Variants in ACAN observed in about 807,000 individuals in gnomAD.
ACAN encodes aggrecan core protein.
Under a neutral mutation model 169.1 loss-of-function variants are expected in ACAN, and 47 were observed. The ratio of observed to expected loss-of-function variants is 0.28; its 90% CI spans 0.22 to 0.35. The LOEUF (loss-of-function observed/expected upper bound fraction) is 0.35. Ranked by LOEUF, ACAN falls within the 10% of genes least tolerant of loss-of-function variation. The pLI is 1.00. For synonymous variants in ACAN, 1,115 were observed against 1,112.2 expected (o/e 1.00, Z -0.05); for missense variants, 2,716 against 2,759.9 (o/e 0.98, Z 0.36).
intron 1 of ACAN, among the ~76,000 whole-genome samples, chr15:88,821,699 A>T (rs1482909216): frequency 6.6e-6 from 1 of 152,146 alleles, no homozygotes; most frequent in African/African-American, 2.4e-5. Context: ...TCACTGAAGG[A>T]TGCCCATGGG....
chr15:88,836,132 C>A, intron 1 of ACAN, 68 bp from the exon 2 acceptor site: 1 of 1,128,796 alleles, frequency 8.9e-7, no homozygotes, highest in Non-Finnish European at 1.3e-6. Flanking sequence ...CATCATATGT[C>A]ACATGACTCT....
rs780471356 is a variant in ACAN at position 88,873,896 on chromosome 15, A to C, written c.7502A>C (p.Lys2501Thr). 3.3e-5 allele frequency: 54 copies of C among 1,613,736 alleles called. No individual in the cohort carries two copies. Among genetic ancestry groups the C allele is most frequent in the Non-Finnish European group, 2.8e-5 (33 of 1,179,904 alleles). The change falls in exon 18 of 19, where the codon AAG becomes ACG. Residue 2501 changes from lysine to threonine, a missense_variant. Around this residue, in one of 3 missense-constraint regions of ACAN, gnomAD observed 1,389 missense variants for 1,363.7 expected, o/e 1.02. Transcript: ENST00000560601. This position sits in a 1 kb window ranked among gnomAD's most constrained non-coding sequence, Gnocchi z 7.5. ...CATGCCAGGACCTTCGGGCAGAAGA[A>C]GGACCGGTATGAGATCAATTCCCTG... The part of the protein sequence containing the change: ...VEHARTFGQK[K>T]DRYEINSLVR...
chr15:88,809,993 C>G (rs1403660824), intron 1 of ACAN, among the ~76,000 whole-genome samples: 1 of 152,200 alleles, frequency 6.6e-6, no homozygotes, highest in Non-Finnish European at 1.5e-5. Context: ...GGTAAACTGT[C>G]AAGCTTTCCT....
intron 1 of ACAN, among the ~76,000 whole-genome samples, chr15:88,810,501 C>A (rs1181608434): frequency 6.6e-6 from 1 of 152,076 alleles, no homozygotes; most frequent in African/African-American, 2.4e-5. Flanking sequence ...GGACCCTTGG[C>A]CTGACCCTCC....
chr15:88,859,405 T>G lies in ACAN; in HGVS notation c.6820T>G (p.Ser2274Ala). Residue 2274 changes from serine (S) to alanine (A), a missense_variant, in exon 12 of 19, where the codon TCA becomes GCA. This residue lies in a region of ACAN where 1,389 missense variants were observed against 1,363.7 expected (regional missense o/e 1.02). Transcript: ENST00000560601. ...TCCGGAATGGAAACGTGAATCAGAA[T>G]CAACTGCTGCAGGTATTGTGATTTT... ...ASPEWKRESE[S>A]TAAAPARSCA... 1 of 1,557,040 alleles carries G rather than the reference T, an allele frequency of 6.4e-7. No homozygotes were observed. Among genetic ancestry groups the G allele is most frequent in the Non-Finnish European group, 8.7e-7 (1 of 1,150,070 alleles).
Position 88,855,339 on chromosome 15 carries a change from A to G in ACAN, c.2754A>G (p.Leu918=). ...VGSGLPVESG[L]PSGDEERIEW... is the part of the protein sequence containing the mutation. ...CAGGCCTGCCTGTGGAAAGTGGACT[A>G]CCCTCAGGGGATGAAGAGAGAATTG... The change falls in exon 12 of 19, where the codon CTA becomes CTG. Residue 918 remains leucine, a synonymous_variant. Coordinates refer to ENST00000560601, the MANE Select transcript of ACAN (RefSeq NM_001369268.1). 1.2e-6 allele frequency: 2 copies of G among 1,612,642 alleles called. No homozygotes were observed. Among genetic ancestry groups the G allele is most frequent in the Non-Finnish European group, 1.7e-6 (2 of 1,179,092 alleles).
Position 88,860,404 on chromosome 15 carries a change from G to A in ACAN, c.6911G>A (p.Cys2304Tyr), listed in dbSNP as rs1567189326. The A allele has an allele frequency of 4.3e-6, 7 of 1,613,648 alleles. No homozygotes were observed. The South Asian group carries it at 6.6e-5, about 15-fold the overall frequency. The stretch of plus-strand genomic sequence containing the variant: ...ACAGAGGGACACGTCATATGCCTGT[G>A]CCCCCCTGGCTACACTGGCGAGCAC... ...KETEGHVICLCPPGYTGEHCN... is the reference protein window; with the variant it reads ...KETEGHVICLYPPGYTGEHCN... Residue 2304 changes from cysteine (C) to tyrosine (Y), a missense_variant, in exon 13 of 19, where the codon TGC becomes TAC. Coordinates refer to ENST00000560601, the MANE Select transcript of ACAN (RefSeq NM_001369268.1).
Position 88,857,600 on chromosome 15 carries a change from C to T in ACAN, c.5015C>T (p.Ala1672Val), listed in dbSNP as rs773436927. The T allele has an allele frequency of 8.7e-6, 14 of 1,613,840 alleles. No individual in the cohort carries two copies. The East Asian group carries it at 3.1e-4, about 36-fold the overall frequency. Residue 1672 changes from alanine to valine, a missense_variant, in exon 12 of 19, where the codon GCC (alanine) becomes GTC (valine). Around this residue, in one of 3 missense-constraint regions of ACAN, gnomAD observed 1,389 missense variants for 1,363.7 expected, o/e 1.02. Transcript: ENST00000560601. ...VDSTLVEVVT[A>V]STASELEGRG... The stretch of plus-strand genomic sequence containing the variant: ...TCTACATTGGTGGAAGTGGTCACAG[C>T]CTCCACTGCAAGTGAACTGGAAGGG...
Position 88,858,755 on chromosome 15 carries a change from G to C in ACAN, c.6170G>C (p.Arg2057Thr), listed in dbSNP as rs1897124285. 1.2e-6 allele frequency: 2 copies of C among 1,613,818 alleles called. No homozygotes were observed. Among genetic ancestry groups the C allele is most frequent in the Non-Finnish European group, 1.7e-6 (2 of 1,179,898 alleles). Residue 2057 changes from arginine (R) to threonine (T), a missense_variant, in exon 12 of 19, where the codon AGG becomes ACG. Physicochemically the swap from Arg to Thr is moderately conservative, Grantham distance 71 (BLOSUM62 -1). This residue lies in a region of ACAN where 1,389 missense variants were observed against 1,363.7 expected (regional missense o/e 1.02). Transcript: ENST00000560601. The surrounding 1 kb of genome is among the most constrained non-coding windows in gnomAD (Gnocchi z 4.0). ...ACTATTTCTCAGGAACTAGGCCAAA[G>C]GCCCCCTGTGACACACACACCCCAG... The part of the protein sequence containing the change: ...EPTISQELGQ[R>T]PPVTHTPQLF...
chr15:88,823,720 A>G (rs1170234965), intron 1 of ACAN, among the ~76,000 whole-genome samples: 1 of 151,994 alleles, frequency 6.6e-6, no homozygotes. Flanking sequence ...CATCACTCCC[A>G]GCCTCTTGGA....
In ACAN at chr15:88,843,011, C is replaced by T. The variant is rs1311020122; in HGVS notation, c.758-344C>T. Among the ~76,000 whole-genome samples the T allele has an allele frequency of 1.3e-5, 2 of 152,198 alleles. No homozygotes were observed. Among genetic ancestry groups the T allele is most frequent in the African/African-American group, 4.8e-5 (2 of 41,454 alleles). On this transcript the variant is annotated intron_variant, in intron 5 of 18. Transcript: ENST00000560601. The surrounding 1 kb of genome is among the most constrained non-coding windows in gnomAD (Gnocchi z 4.0). ...TTTGCCTTGAGTAGGCAATGCTTAA[C>T]TCCTAGGAAAGATCCCCCTGTGGTG...
intron 13 of ACAN, among the ~76,000 whole-genome samples, chr15:88,867,317 C>G (rs1897295599): frequency 6.6e-6 from 1 of 152,154 alleles, no homozygotes. Context: ...AAGAGAAGAG[C>G]CTATCTGAAA....
In ACAN at chr15:88,843,748, G is replaced by C. The variant is rs371643746; in HGVS notation, c.1051+100G>C. On this transcript the variant is annotated intron_variant, in intron 6 of 18. Transcript: ENST00000560601. The surrounding 1 kb of genome is among the most constrained non-coding windows in gnomAD (Gnocchi z 4.0). ...AAAGGGAGGGTTGGTTTTTGCCCTT[G>C]AAGGGGCCACGGGGTACCTGAACCC... 7 of 1,435,806 alleles carry C rather than the reference G, an allele frequency of 4.9e-6. No homozygotes were observed. In the East Asian group the frequency reaches 1.6e-4, roughly 33 times the overall value. 88.9% of individuals were successfully genotyped at this position (1,435,806 alleles called of 1,614,324 possible). A position where few individuals can be genotyped will look rare whatever the true frequency, so the allele number is the denominator to read the frequency against.
rs889805493 is a variant in ACAN, at chr15:88,839,727, A to G, written c.455-285A>G. ...GGTCTTGGAGTGATAAGAAAAAATT[A>G]TAAGGAGGCAGATTTTAGTTTAATT... On this transcript the variant is annotated intron_variant, in intron 3 of 18. Transcript: ENST00000560601. This position sits in a 1 kb window ranked among gnomAD's most constrained non-coding sequence, Gnocchi z 4.5. 2.0e-5 allele frequency among the ~76,000 whole-genome samples: 3 copies of G among 152,344 alleles called. No individual in the cohort carries two copies. Among genetic ancestry groups the G allele is most frequent in the Non-Finnish European group, 4.4e-5 (3 of 68,034 alleles).
intron 11 of ACAN, 93 bp from the exon 12 acceptor site, chr15:88,854,759 G>C: frequency 7.7e-7 from 1 of 1,303,186 alleles, no homozygotes; most frequent in Non-Finnish European, 9.8e-7. Flanking sequence ...AAATTTTACT[G>C]TGGAAAGAAT....
rs2141482948 is a variant in ACAN at position 88,807,522 on chromosome 15, G to A, written c.-8+3713G>A. Among the ~76,000 whole-genome samples the A allele has an allele frequency of 1.3e-5, 2 of 152,302 alleles. No individual in the cohort carries two copies. The highest frequency in any genetic ancestry group is 3.4e-3 in the Middle Eastern group (1 of 294). Reference sequence around the variant, plus strand: ...AACAGGACACAGCCATCCCTGCGAGGGAGTCTGGGCCCCTGGACGCAGTTG... The same window carrying A: ...AACAGGACACAGCCATCCCTGCGAGAGAGTCTGGGCCCCTGGACGCAGTTG... On this transcript the variant is annotated intron_variant, in intron 1 of 18. Coordinates refer to ENST00000560601, the MANE Select transcript of ACAN (RefSeq NM_001369268.1). This position sits in a 1 kb window ranked among gnomAD's most constrained non-coding sequence, Gnocchi z 4.0.
In ACAN at chr15:88,866,559, C is replaced by T. The variant is rs1897283392; in HGVS notation, c.6947-1657C>T. 6.6e-6 allele frequency among the ~76,000 whole-genome samples: 1 copy of T among 151,688 alleles called. No homozygotes were observed. The highest frequency in any genetic ancestry group is 2.1e-4 in the South Asian group (1 of 4,784). The stretch of plus-strand genomic sequence containing the variant: ...CAGTTCCAACTTGGAACTGTTGGTT[C>T]TAGTCTATGGTGTGCCCCCCCGAGA... On this transcript the variant is annotated intron_variant, in intron 13 of 18. Coordinates refer to ENST00000560601, the MANE Select transcript of ACAN (RefSeq NM_001369268.1). The surrounding 1 kb of genome is among the most constrained non-coding windows in gnomAD (Gnocchi z 5.6).
At chr15:88,816,245 A>T (rs1895940362) in intron 1 of ACAN, among the ~76,000 whole-genome samples, 1 of 152,230 alleles carries the variant, frequency 6.6e-6, no homozygotes, top group Non-Finnish European at 1.5e-5. Flanking sequence ...GTTCAGGCTT[A>T]GACATAAGGT....
chr15:88,806,327 C>T (rs1895681660), intron 1 of ACAN, among the ~76,000 whole-genome samples: 1 of 150,184 alleles, frequency 6.7e-6, no homozygotes, highest in Admixed American at 6.7e-5. Flanking sequence ...TGATAAGAGA[C>T]TGTGTGTCCT....
Sources: allele counts gnomAD v4.1 joint callset (sites outside exome capture counted in the v4.1 genomes callset), GRCh38; gene constraint gnomAD v4.1.1; regional missense constraint gnomAD v4.1.1; non-coding constraint Gnocchi (gnomAD v3.1); transcripts MANE v1.5; gene names NCBI Gene and HGNC (gene_info 2026-07-23, HGNC 2026-07-21).